The following ZZEF1 variants were observed in gnomAD, a reference collection of about 807,000 sequenced individuals.
ZZEF1 encodes the protein zinc finger ZZ-type and EF-hand domain-containing protein 1.
Under a neutral mutation model 342.8 loss-of-function variants are expected in ZZEF1, and 157 were observed. The observed-to-expected ratio is 0.46, with a 90% CI of 0.40 to 0.52. The LOEUF (loss-of-function observed/expected upper bound fraction) is 0.52, where lower values mean the gene tolerates loss of function less well. ZZEF1 is among the 20% of genes least tolerant of loss of function. The pLI, the probability that ZZEF1 is intolerant of heterozygous loss-of-function variation, is 0.00. For synonymous variants in ZZEF1, 1,505 were observed against 1,429.1 expected (o/e 1.05, Z -1.20); for missense variants, 3,480 against 3,725.6 (o/e 0.93, Z 1.72).
chr17:4,101,897 T>A (rs1478096285), intron 9 of ZZEF1, among the ~76,000 whole-genome samples: 1 of 152,112 alleles, frequency 6.6e-6, no homozygotes, highest in Non-Finnish European at 1.5e-5. Context: ...CCCAAAGCGC[T>A]GGGATTACAG....
intron 30 of ZZEF1, among the ~76,000 whole-genome samples, chr17:4,062,205 C>A (rs1214910047): frequency 6.6e-6 from 1 of 152,042 alleles, no homozygotes; most frequent in Non-Finnish European, 1.5e-5. Flanking sequence ...ATCTCCTCAG[C>A]CTGCCTTCCC....
chr17:4,009,508 T>TC (rs1278936142), intron 53 of ZZEF1, 96 bp downstream of exon 53: 1 of 1,561,510 alleles, frequency 6.4e-7, no homozygotes, highest in Admixed American at 1.7e-5. Context: ...CCCTGGCCAC[T>TC]CAGGCTCGGA....
intron 1 of ZZEF1, among the ~76,000 whole-genome samples, chr17:4,135,187 G>A (rs1443470380): frequency 1.3e-5 from 2 of 152,166 alleles, no homozygotes; most frequent in African/African-American, 4.8e-5. Flanking sequence ...TAAAATATGT[G>A]CCTTTGTGCC....
chr17:4,124,038 A>C lies in ZZEF1; in HGVS notation c.368T>G (p.Phe123Cys). The change falls in exon 2 of 55, where the codon TTT becomes TGT. Residue 123 changes from phenylalanine to cysteine, a missense_variant. Phe to Cys is a radical substitution (Grantham distance 205). This residue lies in a region of ZZEF1 where 416 missense variants were observed against 374.2 expected (regional missense o/e 1.11). Coordinates refer to ENST00000381638, the MANE Select transcript of ZZEF1 (RefSeq NM_015113.4). The stretch of plus-strand genomic sequence containing the variant: ...AACTGTCCCATCACCCTCAGCATCA[A>C]ACTGGGCAAAGGCCTACAAGATAAG... ...SEQFEEAFAQ[F>C]DAEGDGTVDA... 1 of 1,613,610 alleles carries C rather than the reference A, an allele frequency of 6.2e-7. No homozygotes were observed. Among genetic ancestry groups the C allele is most frequent in the Non-Finnish European group, 8.5e-7 (1 of 1,179,804 alleles).
intron 35 of ZZEF1, among the ~76,000 whole-genome samples, chr17:4,051,640 C>T (rs141706042): frequency 7.9e-5 from 12 of 151,626 alleles, no homozygotes; most frequent in East Asian, 1.9e-4. Flanking sequence ...AGGCTGATCT[C>T]GAACTCCTGA....
chr17:4,089,001 T>A, intron 12 of ZZEF1, 108 bp from the exon 13 acceptor site: 1 of 988,772 alleles, frequency 1.0e-6, no homozygotes, highest in Non-Finnish European at 1.5e-6. Flanking sequence ...TTTCGTAATT[T>A]ATTAGGAAAC....
In ZZEF1 at chr17:4,142,904, C is replaced by T. The variant is rs1356193237; in HGVS notation, c.-9G>A. 8 of 1,322,916 alleles carry T rather than the reference C, an allele frequency of 6.0e-6. No individual in the cohort carries two copies. The highest frequency in any genetic ancestry group is 6.7e-6 in the Non-Finnish European group (7 of 1,041,790). 81.9% of individuals were successfully genotyped at this position (1,322,916 alleles called of 1,614,324 possible). A position where few individuals can be genotyped will look rare whatever the true frequency, so the allele number is the denominator to read the frequency against. On this transcript the variant is annotated 5_prime_UTR_variant, in exon 1 of 55. Transcript: ENST00000381638. Reference sequence around the variant, plus strand: ...CTCGGAGCGTTCCCCATGGGGTCTCCGTCTTGGGCGCCTGGCTCTGCAGCC... The same window carrying T: ...CTCGGAGCGTTCCCCATGGGGTCTCTGTCTTGGGCGCCTGGCTCTGCAGCC...
chr17:4,140,816 T>A (rs946480817), intron 1 of ZZEF1, among the ~76,000 whole-genome samples: 27 of 152,144 alleles, frequency 1.8e-4, no homozygotes, highest in African/African-American at 5.5e-4. Flanking sequence ...CACTACTACT[T>A]CATATTCTCA....
At chr17:4,041,051 T>C (rs2056791397) in intron 39 of ZZEF1, among the ~76,000 whole-genome samples, 1 of 152,124 alleles carries the variant, frequency 6.6e-6, no homozygotes, top group Non-Finnish European at 1.5e-5. Flanking sequence ...ATGTGCCTGC[T>C]CAGCCTCCAA....
Position 4,014,012 on chromosome 17 carries a change from C to T in ZZEF1, c.8413+78G>A, listed in dbSNP as rs1334383629. 3 of 1,362,352 alleles carry T rather than the reference C, an allele frequency of 2.2e-6. No homozygotes were observed. Among genetic ancestry groups the T allele is most frequent in the Admixed American group, 3.6e-5 (2 of 55,190 alleles). 84.4% of individuals were successfully genotyped at this position (1,362,352 alleles called of 1,614,324 possible). A position where few individuals can be genotyped will look rare whatever the true frequency, so the allele number is the denominator to read the frequency against. On this transcript the variant is annotated intron_variant, in intron 51 of 54. Transcript: ENST00000381638. This position sits in a 1 kb window ranked among gnomAD's most constrained non-coding sequence, Gnocchi z 4.4. ...TACCTGCTTTGATTTTAACCAAGATCAGTGACATCATGGCACCCACAGCCA... is the reference window on the plus strand; with the variant it reads ...TACCTGCTTTGATTTTAACCAAGATTAGTGACATCATGGCACCCACAGCCA...
chr17:4,050,965 T>G lies in ZZEF1; in HGVS notation c.5679A>C (p.Pro1893=), dbSNP rs772825915. 6.2e-7 allele frequency: 1 copy of G among 1,614,236 alleles called. No individual in the cohort carries two copies. The highest frequency in any genetic ancestry group is 1.1e-5 in the South Asian group (1 of 91,088). The change falls in exon 36 of 55, where the codon CCA becomes CCC. Residue 1893 remains proline (P), a synonymous_variant. Transcript: ENST00000381638. The part of the protein sequence containing the change: ...RISDRQRLIQ[P]YIHNYSWLLF... ...GCAGCCAGGAGTAGTTATGGATATATGGCTGGATGAGCCTCTGCCGGTCAC... is the reference window on the plus strand; with the variant it reads ...GCAGCCAGGAGTAGTTATGGATATAGGGCTGGATGAGCCTCTGCCGGTCAC...
intron 36 of ZZEF1, among the ~76,000 whole-genome samples, chr17:4,050,450 C>A (rs1168934467): frequency 6.6e-6 from 1 of 152,180 alleles, no homozygotes; most frequent in Non-Finnish European, 1.5e-5. Flanking sequence ...GATTTACACT[C>A]CAGGTTAAGA....
intron 12 of ZZEF1, 136 bp downstream of exon 12, chr17:4,090,583 T>C: frequency 1.5e-6 from 1 of 676,868 alleles, no homozygotes; most frequent in Non-Finnish European, 2.6e-6. Context: ...CATCTGTCTC[T>C]CCCACAGAGT....
At chr17:4,092,937 C>T (rs965012668) in intron 11 of ZZEF1, among the ~76,000 whole-genome samples, 5 of 150,420 alleles carry the variant, frequency 3.3e-5, no homozygotes, top group South Asian at 2.1e-4. Context: ...GACTGACGAA[C>T]GCCTGACCAG....
intron 35 of ZZEF1, among the ~76,000 whole-genome samples, chr17:4,051,351 C>T (rs1163430499): frequency 6.6e-6 from 1 of 151,990 alleles, no homozygotes; most frequent in African/African-American, 2.4e-5. Flanking sequence ...GTGAATAAAA[C>T]CCATAATTTT....
At chr17:4,117,251 C>G in intron 2 of ZZEF1, 85 bp from the exon 3 acceptor site, 2 of 1,061,346 alleles carry the variant, frequency 1.9e-6, no homozygotes. Context: ...TCTGAATTGG[C>G]TAAATTAAAA....
intron 28 of ZZEF1, among the ~76,000 whole-genome samples, chr17:4,065,800 T>C (rs2057380759): frequency 6.6e-6 from 1 of 152,164 alleles, no homozygotes. Context: ...ATAGTAATTC[T>C]TTTATTTCAC....
At chr17:4,125,129 T>C (rs1166124547) in intron 1 of ZZEF1, among the ~76,000 whole-genome samples, 1 of 152,098 alleles carries the variant, frequency 6.6e-6, no homozygotes, top group African/African-American at 2.4e-5. Flanking sequence ...CCTGACCCCC[T>C]TCCCTTACAT....
intron 7 of ZZEF1, among the ~76,000 whole-genome samples, chr17:4,105,058 C>A (rs7221995): frequency 0.15 from 22,586 of 152,220 alleles, 1,802 homozygotes; most frequent in African/African-American, 0.2. Flanking sequence ...TACCAATACG[C>A]TACTGTAATA....
Sources: gnomAD v4.1 joint callset for allele counts (sites outside exome capture counted in the v4.1 genomes callset) on GRCh38, gnomAD v4.1.1 for gene constraint, gnomAD v4.1.1 regional missense constraint, Gnocchi (gnomAD v3.1) non-coding constraint, MANE v1.5 for transcripts, NCBI Gene and HGNC (gene_info 2026-07-23, HGNC 2026-07-21) for gene names.